TRIM33: variants seen among roughly 807,000 people sequenced by gnomAD.
The protein encoded by TRIM33 is E3 ubiquitin-protein ligase TRIM33.
In TRIM33, 20 loss-of-function variants were observed where a neutral mutation model predicts 125.4. That is an observed-to-expected ratio of 0.16 (90% CI 0.11 to 0.23). TRIM33 has a LOEUF of 0.23. TRIM33 is among the 10% of genes least tolerant of loss of function. TRIM33 has a pLI of 1.00. For synonymous variants in TRIM33, 564 were observed against 513.9 expected, an observed-to-expected ratio of 1.10 and a Z score of -1.32; for missense variants, 920 against 1,411.4, an observed-to-expected ratio of 0.65 and a Z score of 5.58.
At chr1:114,402,923 GA>G in intron 15 of TRIM33, 40 bp from the exon 16 acceptor site, 1 of 1,569,876 alleles carries the variant, frequency 6.4e-7, no homozygotes, top group East Asian at 2.3e-5. Context: ...GTAATTATAA[GA>G]AAGCCTGCTC....
At chr1:114,466,658 C>G (rs1650319403) in intron 1 of TRIM33, among the ~76,000 whole-genome samples, 1 of 152,224 alleles carries the variant, frequency 6.6e-6, no homozygotes, top group Non-Finnish European at 1.5e-5. Context: ...CTTGGCAATA[C>G]TCCCAGTGTA....
chr1:114,420,038 T>C (rs1440284890), intron 11 of TRIM33, among the ~76,000 whole-genome samples: 1 of 152,234 alleles, frequency 6.6e-6, no homozygotes, highest in Non-Finnish European at 1.5e-5. Context: ...CTTGTTCCTA[T>C]GGTGACCCCG....
chr1:114,453,692 G>C (rs950283539), intron 4 of TRIM33, among the ~76,000 whole-genome samples: 2 of 152,110 alleles, frequency 1.3e-5, no homozygotes, highest in Non-Finnish European at 2.9e-5. Flanking sequence ...GGGAGCTCTG[G>C]GTCACACAGT....
intron 15 of TRIM33, among the ~76,000 whole-genome samples, chr1:114,403,369 T>C (rs1652025799): frequency 6.6e-6 from 1 of 152,082 alleles, no homozygotes; most frequent in Admixed American, 6.5e-5. Context: ...CAAGCACATG[T>C]ATATATACCT....
At chr1:114,496,646 AT>A (rs933559908) in intron 1 of TRIM33, among the ~76,000 whole-genome samples, 2 of 151,936 alleles carry the variant, frequency 1.3e-5, no homozygotes, top group African/African-American at 2.4e-5. Flanking sequence ...TAATTGAGTA[AT>A]TTTTTTTGTA....
At chr1:114,459,220 C>A (rs1316585850) in intron 4 of TRIM33, among the ~76,000 whole-genome samples, 1 of 152,166 alleles carries the variant, frequency 6.6e-6, no homozygotes, top group Non-Finnish European at 1.5e-5. Context: ...ACAGTTGGAA[C>A]TTTCAGCCCT....
intron 6 of TRIM33, among the ~76,000 whole-genome samples, chr1:114,430,154 T>C (rs1261830842): frequency 6.6e-6 from 1 of 151,968 alleles, no homozygotes; most frequent in Non-Finnish European, 1.5e-5. Context: ...TAAAATTAAA[T>C]TGAGGCCCCA....
chr1:114,411,011 T>C (rs1041315602), intron 11 of TRIM33, among the ~76,000 whole-genome samples: 46 of 152,216 alleles, frequency 3.0e-4, no homozygotes, highest in Non-Finnish European at 5.4e-4. Flanking sequence ...TTAAATCTTA[T>C]ACTATTTCAT....
rs553612140 is a variant in TRIM33, at chr1:114,439,255, C to A, written c.924-5522G>T. The stretch of plus-strand genomic sequence containing the variant: ...TTGGGAGGCCGAGGTGGGCAGATCA[C>A]GAGGTCATGAGTTTGAGACCAGCCT... On this transcript the variant is annotated intron_variant, in intron 4 of 19. Coordinates refer to ENST00000358465, the MANE Select transcript of TRIM33 (RefSeq NM_015906.4). Among the ~76,000 whole-genome samples the A allele has an allele frequency of 5.4e-4, 82 of 152,076 alleles. 2 individuals are homozygous for A. The Middle Eastern group carries it at 0.01, about 19-fold the overall frequency.
chr1:114,509,718 T>C (rs1002849795), intron 1 of TRIM33, among the ~76,000 whole-genome samples: 1 of 152,204 alleles, frequency 6.6e-6, no homozygotes, highest in African/African-American at 2.4e-5. Context: ...TTCCCTGACC[T>C]TTCCTCTATT....
chr1:114,485,289 A>T lies in TRIM33; in HGVS notation c.527-20901T>A, dbSNP rs549270525. ...TAATTGAAGCCCCCATTTTTTTTTT[A>T]AAACTAAAAATACTGAAAAAAAAAA... On this transcript the variant is annotated intron_variant, in intron 1 of 19. Coordinates refer to ENST00000358465, the MANE Select transcript of TRIM33 (RefSeq NM_015906.4). Among the ~76,000 whole-genome samples the T allele has an allele frequency of 4.9e-4, 73 of 148,586 alleles. 1 individual carries two copies. Among genetic ancestry groups the T allele is most frequent in the Middle Eastern group, 6.9e-3 (2 of 290 alleles).
At chr1:114,494,497 T>C (rs74113201) in intron 1 of TRIM33, among the ~76,000 whole-genome samples, 6,597 of 152,190 alleles carry the variant, frequency 0.043, 154 homozygotes, top group South Asian at 0.063. Flanking sequence ...AAAGCTAAAA[T>C]AAATTTAACA....
chr1:114,463,697 C>G, intron 2 of TRIM33, 141 bp from the exon 3 acceptor site: 1 of 592,732 alleles, frequency 1.7e-6, no homozygotes, highest in Non-Finnish European at 2.9e-6. Flanking sequence ...TCAACAAAAT[C>G]CTTTTCCTTA....
intron 4 of TRIM33, among the ~76,000 whole-genome samples, chr1:114,455,383 T>C (rs1160718248): frequency 6.6e-6 from 1 of 152,170 alleles, no homozygotes; most frequent in African/African-American, 2.4e-5. Context: ...CAGTATGCCT[T>C]ATGGTATATG....
At chr1:114,438,479 C>G (rs1370575281) in intron 4 of TRIM33, among the ~76,000 whole-genome samples, 1 of 152,176 alleles carries the variant, frequency 6.6e-6, no homozygotes, top group Admixed American at 6.5e-5. Context: ...GAAGAAAACT[C>G]CAAACATCAT....
At position 114,443,048 on chromosome 1, in the gene TRIM33, T is replaced by C. The variant is rs190072589; in HGVS notation, c.924-9315A>G. 3.4e-3 allele frequency among the ~76,000 whole-genome samples: 519 copies of C among 151,978 alleles called. 1 individual carries two copies. The highest frequency in any genetic ancestry group is 6.3e-3 in the Non-Finnish European group (428 of 67,946). On this transcript the variant is annotated intron_variant, in intron 4 of 19. Transcript: ENST00000358465. ...GCTATTCCTTCCCTTCCTTTTCTTC[T>C]TTCCCTTCTCTCTTCCTCTCTCCCT...
In TRIM33 at chr1:114,396,032, T is replaced by C. The variant is rs1458822630; in HGVS notation, c.*1616A>G. On this transcript the variant is annotated 3_prime_UTR_variant, in exon 20 of 20. Coordinates refer to ENST00000358465, the MANE Select transcript of TRIM33 (RefSeq NM_015906.4). ...TAGTCTACTCTCTGAACTGCTTAAA[T>C]GAATTTTTAAAAAGGCAAATAAATG... is the stretch of plus-strand genomic sequence containing the variant. 1.0e-5 allele frequency: 2 copies of C among 197,884 alleles called. No individual in the cohort carries two copies. Among genetic ancestry groups the C allele is most frequent in the Non-Finnish European group, 2.1e-5 (2 of 95,540 alleles). 12.3% of individuals were successfully genotyped at this position (197,884 alleles called of 1,614,324 possible).
chr1:114,492,302 G>C (rs12135598), intron 1 of TRIM33, among the ~76,000 whole-genome samples: 1 of 152,014 alleles, frequency 6.6e-6, no homozygotes, highest in Non-Finnish European at 1.5e-5. Context: ...AAAATTTCTA[G>C]AAGGAAAAAC....
At chr1:114,442,515 C>T (rs1349900784) in intron 4 of TRIM33, among the ~76,000 whole-genome samples, 4 of 151,432 alleles carry the variant, frequency 2.6e-5, no homozygotes, top group African/African-American at 7.3e-5. Context: ...TATGGTGAAA[C>T]TGTCTCTACT....
Sources: gnomAD v4.1 joint callset for allele counts (sites outside exome capture counted in the v4.1 genomes callset) on GRCh38, gnomAD v4.1.1 for gene constraint, MANE v1.5 for transcripts, NCBI Gene and HGNC (gene_info 2026-07-23, HGNC 2026-07-21) for gene names.